KLHL1: variants seen among roughly 807,000 people sequenced by gnomAD.
The protein encoded by KLHL1 is kelch-like protein 1.
Under a neutral mutation model 77.7 loss-of-function variants are expected in KLHL1, and 47 were observed. The observed-to-expected ratio is 0.60, with a 90% CI of 0.48 to 0.77. The LOEUF is 0.77. Ranked by LOEUF, KLHL1 falls within the 30% of genes least tolerant of loss-of-function variation. The pLI, the probability that KLHL1 is intolerant of heterozygous loss-of-function variation, is 0.00. For synonymous variants in KLHL1, 360 were observed against 325.2 expected (o/e 1.11, Z -1.15); for missense variants, 925 against 910.8 (o/e 1.02, Z -0.20).
chr13:69,824,287 A>C (rs1270462205), intron 6 of KLHL1, among the ~76,000 whole-genome samples: 1 of 152,236 alleles, frequency 6.6e-6, no homozygotes, highest in East Asian at 1.9e-4. Context: ...AAAAGCAAAT[A>C]GATTTATTAA....
At chr13:69,955,383 T>G (rs1883835406) in intron 3 of KLHL1, among the ~76,000 whole-genome samples, 1 of 151,402 alleles carries the variant, frequency 6.6e-6, no homozygotes, top group Non-Finnish European at 1.5e-5. Flanking sequence ...CACAAACTTT[T>G]TCTACAAGGA....
chr13:69,870,255 C>A (rs1245317196), intron 5 of KLHL1, among the ~76,000 whole-genome samples: 1 of 152,100 alleles, frequency 6.6e-6, no homozygotes, highest in Non-Finnish European at 1.5e-5. Flanking sequence ...GATCACACAG[C>A]AAGAGAGAGA....
chr13:69,830,533 C>G (rs1051994538), intron 6 of KLHL1, among the ~76,000 whole-genome samples: 1 of 150,020 alleles, frequency 6.7e-6, no homozygotes, highest in Admixed American at 6.7e-5. Context: ...CAGCACTAGA[C>G]CGTCATCAAG....
At chr13:69,895,484 C>T (rs576902340) in intron 4 of KLHL1, among the ~76,000 whole-genome samples, 29 of 152,190 alleles carry the variant, frequency 1.9e-4, no homozygotes, top group East Asian at 5.8e-4. Flanking sequence ...GTAATATAAA[C>T]GGGTTGATTT....
intron 2 of KLHL1, among the ~76,000 whole-genome samples, chr13:69,965,080 T>C (rs151194755): frequency 1.3e-5 from 2 of 152,340 alleles, no homozygotes; most frequent in African/African-American, 4.8e-5. Flanking sequence ...TTGATGGCTT[T>C]AAAAATAAAA....
intron 7 of KLHL1, among the ~76,000 whole-genome samples, chr13:69,764,929 C>CCTT (rs1875206792): frequency 2.5e-5 from 1 of 39,714 alleles, no homozygotes; most frequent in African/African-American, 9.5e-5. Flanking sequence ...TATATCTTTG[C>CCTT]TTTTTTTTTT....
intron 1 of KLHL1, among the ~76,000 whole-genome samples, chr13:70,103,214 A>T (rs1887966483): frequency 6.6e-6 from 1 of 152,152 alleles, no homozygotes; most frequent in Admixed American, 6.6e-5. Flanking sequence ...GAAGGAAAAC[A>T]ACTTTGTGAG....
intron 1 of KLHL1, among the ~76,000 whole-genome samples, chr13:70,047,015 G>A (rs76304231): frequency 6.6e-6 from 1 of 152,034 alleles, no homozygotes. Context: ...GTTGAATAGT[G>A]TGCTCAATAC....
chr13:70,087,390 C>T lies in KLHL1; in HGVS notation c.497+19813G>A, dbSNP rs139327537. On this transcript the variant is annotated intron_variant, in intron 1 of 10. Coordinates refer to ENST00000377844, the MANE Select transcript of KLHL1 (RefSeq NM_020866.3). The stretch of plus-strand genomic sequence containing the variant: ...GGGCAGGCTGAGGCATGCAAAGAAT[C>T]TAACAGTCAACCAAGAGTAGTAAAA... Among the ~76,000 whole-genome samples, 156 of 152,202 alleles carry T rather than the reference C, an allele frequency of 1.0e-3. 2 individuals carry two copies. The highest frequency in any genetic ancestry group is 3.6e-3 in the African/African-American group (148 of 41,542).
At chr13:69,818,183 T>C (rs995789210) in intron 6 of KLHL1, among the ~76,000 whole-genome samples, 14 of 151,120 alleles carry the variant, frequency 9.3e-5, no homozygotes, top group African/African-American at 2.9e-4. Context: ...TCACAGGGGA[T>C]GACATAAATA....
intron 1 of KLHL1, among the ~76,000 whole-genome samples, chr13:70,043,308 CA>C (rs1439366491): frequency 9.9e-5 from 15 of 151,980 alleles, no homozygotes; most frequent in Admixed American, 2.6e-4. Flanking sequence ...TACAGCTGAA[CA>C]ATGTGTATTT....
chr13:69,954,269 C>A (rs1244539021), intron 3 of KLHL1, among the ~76,000 whole-genome samples: 2 of 150,848 alleles, frequency 1.3e-5, no homozygotes, highest in Non-Finnish European at 3.0e-5. Context: ...ACTACACTTA[C>A]AAATACAAAG....
chr13:69,785,188 G>A (rs532138933), intron 7 of KLHL1, among the ~76,000 whole-genome samples: 9 of 152,006 alleles, frequency 5.9e-5, no homozygotes, highest in Admixed American at 2.0e-4. Flanking sequence ...CACCGCGCCC[G>A]GCCCAGAATA....
intron 1 of KLHL1, among the ~76,000 whole-genome samples, chr13:70,019,452 A>C (rs1398616057): frequency 6.9e-6 from 1 of 145,154 alleles, no homozygotes; most frequent in East Asian, 2.0e-4. Flanking sequence ...GTGAAGAGGC[A>C]GGTACTATTA....
intron 1 of KLHL1, among the ~76,000 whole-genome samples, chr13:70,065,885 A>G (rs1311354073): frequency 1.4e-5 from 2 of 145,400 alleles, no homozygotes; most frequent in Non-Finnish European, 3.0e-5. Flanking sequence ...AACCAAGATG[A>G]AAAAAAAAAA....
chr13:69,962,043 A>T (rs1422831033), intron 2 of KLHL1, among the ~76,000 whole-genome samples: 1 of 151,822 alleles, frequency 6.6e-6, no homozygotes, highest in Non-Finnish European at 1.5e-5. Context: ...AAATGCATTA[A>T]TTTTTTATTT....
At chr13:69,926,425 C>A (rs528343337) in intron 4 of KLHL1, among the ~76,000 whole-genome samples, 2 of 152,262 alleles carry the variant, frequency 1.3e-5, no homozygotes, top group East Asian at 1.9e-4. Context: ...ACCAACAAAG[C>A]ACCTGAGTAT....
At chr13:69,710,835 G>GT (rs1875841290) in intron 9 of KLHL1, among the ~76,000 whole-genome samples, 1 of 151,874 alleles carries the variant, frequency 6.6e-6, no homozygotes, top group Non-Finnish European at 1.5e-5. Context: ...TAATAAGGTG[G>GT]TGGGTGTGGG....
chr13:69,936,121 G>A (rs976744488), intron 4 of KLHL1, among the ~76,000 whole-genome samples: 1 of 152,156 alleles, frequency 6.6e-6, no homozygotes, highest in South Asian at 2.1e-4. Flanking sequence ...ACTAGAAACA[G>A]GGAGAGATTA....
Sources: allele counts gnomAD v4.1 joint callset (sites outside exome capture counted in the v4.1 genomes callset), GRCh38; gene constraint gnomAD v4.1.1; transcripts MANE v1.5; gene names NCBI Gene and HGNC (gene_info 2026-07-23, HGNC 2026-07-21).